The following FUT9 variants were observed in gnomAD, a reference collection of about 807,000 sequenced individuals.
FUT9 encodes the protein fucosyltransferase 9, also known as 4-galactosyl-N-acetylglucosaminide 3-alpha-L-fucosyltransferase 9.
In FUT9, 15 loss-of-function variants were observed where a neutral mutation model predicts 29.7. That is an observed-to-expected ratio of 0.51 (90% CI 0.34 to 0.78). The LOEUF (loss-of-function observed/expected upper bound fraction) is 0.78, where lower values mean the gene tolerates loss of function less well. FUT9 is among the 30% of genes least tolerant of loss of function. The pLI is 0.01. For missense variants in FUT9, 319 were observed against 425.4 expected, an observed-to-expected ratio of 0.75 and a Z score of 2.20; for synonymous variants, 169 against 153.7, an observed-to-expected ratio of 1.10 and a Z score of -0.74.
intron 1 of FUT9, among the ~76,000 whole-genome samples, chr6:96,103,180 G>T (rs987262555): frequency 1.3e-5 from 2 of 152,132 alleles, no homozygotes; most frequent in Non-Finnish European, 2.9e-5. Context: ...TATTTAAGAT[G>T]ATTTTAAGTT....
intron 1 of FUT9, among the ~76,000 whole-genome samples, chr6:96,105,919 C>T (rs1398207997): frequency 6.6e-6 from 1 of 152,240 alleles, no homozygotes. Flanking sequence ...TTAGATGATT[C>T]TTATGCCTAT....
chr6:96,102,516 G>A (rs1273042940), intron 1 of FUT9, among the ~76,000 whole-genome samples: 2 of 152,076 alleles, frequency 1.3e-5, no homozygotes, highest in East Asian at 3.8e-4. Flanking sequence ...TCTAAGAGGT[G>A]TTATAAATTT....
chr6:96,160,329 A>G (rs1482005765), intron 2 of FUT9, among the ~76,000 whole-genome samples: 1 of 152,158 alleles, frequency 6.6e-6, no homozygotes, highest in Non-Finnish European at 1.5e-5. Context: ...GCACCTCATA[A>G]TTTGTGCTGA....
At chr6:96,074,616 G>T (rs1486534230) in intron 1 of FUT9, among the ~76,000 whole-genome samples, 1 of 151,814 alleles carries the variant, frequency 6.6e-6, no homozygotes, top group African/African-American at 2.4e-5. Flanking sequence ...TGAACATTAG[G>T]TTCAAAAATA....
chr6:96,102,624 G>A lies in FUT9; in HGVS notation c.-97-11415G>A, dbSNP rs921684231. Among the ~76,000 whole-genome samples the A allele has an allele frequency of 3.9e-5, 6 of 152,130 alleles. No homozygotes were observed. In the East Asian group the frequency reaches 7.7e-4, roughly 20 times the overall value. On this transcript the variant is annotated intron_variant, in intron 1 of 2. Transcript: ENST00000302103. ...TGTCTTAGAGTTATATGTGTAAACA[G>A]CCTTAAGCCTATAACTTTACTTAAA...
At chr6:96,158,287 T>C (rs1772828055) in intron 2 of FUT9, among the ~76,000 whole-genome samples, 1 of 152,044 alleles carries the variant, frequency 6.6e-6, no homozygotes, top group Non-Finnish European at 1.5e-5. Context: ...GGACAGATGG[T>C]GGACAAGGAT....
chr6:96,200,254 C>T (rs1052928713), intron 2 of FUT9, among the ~76,000 whole-genome samples: 2 of 152,134 alleles, frequency 1.3e-5, no homozygotes, highest in Admixed American at 6.6e-5. Flanking sequence ...AATCTAAATT[C>T]AACTCATCGT....
intron 2 of FUT9, among the ~76,000 whole-genome samples, chr6:96,157,701 T>C (rs1276970161): frequency 3.3e-5 from 5 of 152,146 alleles, no homozygotes; most frequent in African/African-American, 1.2e-4. Flanking sequence ...ATTTGACATG[T>C]TTTATAAAAC....
chr6:96,136,797 A>C (rs1772356568), intron 2 of FUT9, among the ~76,000 whole-genome samples: 1 of 151,994 alleles, frequency 6.6e-6, no homozygotes. Flanking sequence ...CAATAGCAGA[A>C]AAAAAATAAT....
intron 2 of FUT9, among the ~76,000 whole-genome samples, chr6:96,158,237 G>A (rs192353555): frequency 4.0e-4 from 61 of 152,152 alleles, no homozygotes; most frequent in African/African-American, 1.4e-3. Context: ...TTAAAACAAG[G>A]TGATGGTTTA....
intron 1 of FUT9, among the ~76,000 whole-genome samples, chr6:96,033,910 A>G (rs1267341092): frequency 6.6e-6 from 1 of 151,626 alleles, no homozygotes. Flanking sequence ...ATATACACAA[A>G]TACACACACA....
intron 1 of FUT9, among the ~76,000 whole-genome samples, chr6:96,112,553 A>T (rs900810782): frequency 6.6e-6 from 1 of 152,222 alleles, no homozygotes; most frequent in Non-Finnish European, 1.5e-5. Flanking sequence ...GTAGAAATCC[A>T]CAAAGAAATC....
intron 2 of FUT9, among the ~76,000 whole-genome samples, chr6:96,165,677 G>A (rs779238774): frequency 3.9e-5 from 6 of 152,146 alleles, no homozygotes; most frequent in East Asian, 3.9e-4. Flanking sequence ...ATGCAGTGGC[G>A]TGATCTCGGC....
intron 1 of FUT9, among the ~76,000 whole-genome samples, chr6:96,112,282 A>T (rs545216330): frequency 1.9e-4 from 29 of 152,304 alleles, no homozygotes; most frequent in African/African-American, 6.7e-4. Context: ...TCATAATTAT[A>T]TGACAATCAC....
chr6:96,185,099 A>C (rs1360937567), intron 2 of FUT9, among the ~76,000 whole-genome samples: 1 of 151,958 alleles, frequency 6.6e-6, no homozygotes, highest in African/African-American at 2.4e-5. Flanking sequence ...TAATCAAAAG[A>C]AGTCACAGGC....
chr6:96,107,832 C>A (rs1201305202), intron 1 of FUT9, among the ~76,000 whole-genome samples: 8 of 152,152 alleles, frequency 5.3e-5, no homozygotes, highest in Admixed American at 5.2e-4. Context: ...ACATCCTATT[C>A]ACTTTAACTA....
chr6:96,058,094 G>A (rs912754776), intron 1 of FUT9, among the ~76,000 whole-genome samples: 10 of 151,982 alleles, frequency 6.6e-5, no homozygotes, highest in Non-Finnish European at 1.3e-4. Context: ...AATAGCAGAC[G>A]GGCGGTAACT....
chr6:96,178,837 T>C (rs1250525672), intron 2 of FUT9, among the ~76,000 whole-genome samples: 2 of 152,138 alleles, frequency 1.3e-5, no homozygotes, highest in Non-Finnish European at 2.9e-5. Flanking sequence ...CCATCTCCCT[T>C]TTGCACTGTG....
At chr6:96,124,872 T>C (rs11754559) in intron 2 of FUT9, among the ~76,000 whole-genome samples, 29,753 of 152,168 alleles carry the variant, frequency 0.2, 3,696 homozygotes, top group Non-Finnish European at 0.27. Context: ...TTAGTGACAT[T>C]CGTCCTGGTT....
Sources: allele counts gnomAD v4.1 joint callset (sites outside exome capture counted in the v4.1 genomes callset), GRCh38; gene constraint gnomAD v4.1.1; transcripts MANE v1.5; gene names NCBI Gene and HGNC (gene_info 2026-07-23, HGNC 2026-07-21).